Variants in SEC23A observed in about 807,000 individuals in gnomAD.
SEC23A encodes protein transport protein Sec23A.
SEC23A carries 56 observed loss-of-function variants against 103.7 expected under a neutral mutation model. The observed-to-expected ratio is 0.54, with a 90% CI of 0.44 to 0.67. SEC23A has a LOEUF of 0.67. Ranked by LOEUF, SEC23A falls within the 30% of genes least tolerant of loss-of-function variation. SEC23A has a pLI of 0.00. For synonymous variants in SEC23A, 281 were observed against 293.0 expected (o/e 0.96, Z 0.42); for missense variants, 784 against 936.4 (o/e 0.84, Z 2.12).
At chr14:39,088,999 T>G (rs1887561998) in intron 5 of SEC23A, among the ~76,000 whole-genome samples, 1 of 151,298 alleles carries the variant, frequency 6.6e-6, no homozygotes, top group Non-Finnish European at 1.5e-5. Flanking sequence ...AAACCCGGTC[T>G]CTACTAAAAA....
chr14:39,040,986 T>A, intron 17 of SEC23A, 99 bp from the exon 18 acceptor site: 1 of 1,369,826 alleles, frequency 7.3e-7, no homozygotes, highest in Non-Finnish European at 9.7e-7. Flanking sequence ...ACTAAAAAAA[T>A]TATAGACCAT....
chr14:39,083,751 G>C, intron 7 of SEC23A, among the ~76,000 whole-genome samples: 1 of 151,442 alleles, frequency 6.6e-6, no homozygotes, highest in Non-Finnish European at 1.5e-5. Context: ...TTTTAGTAGA[G>C]ACAGGGTTTC....
intron 14 of SEC23A, among the ~76,000 whole-genome samples, chr14:39,051,897 G>A (rs1340779892): frequency 6.6e-6 from 1 of 152,010 alleles, no homozygotes; most frequent in Non-Finnish European, 1.5e-5. Flanking sequence ...GAACCTGGAG[G>A]AGGAGGTTGC....
At chr14:39,048,857 A>G (rs1885940441) in intron 14 of SEC23A, 128 bp from the exon 15 acceptor site, 2 of 634,346 alleles carry the variant, frequency 3.2e-6, no homozygotes, top group African/African-American at 1.8e-5. Flanking sequence ...GAATAAAATT[A>G]TAATATTACT....
Position 39,067,294 on chromosome 14 carries a change from C to A in SEC23A, c.1106G>T (p.Gly369Val). ...GAAAGAATCACCCATTACCATGTATCCTCTGCATGGAAAGAACAAAAAAAC... is the reference window on the plus strand; with the variant it reads ...GAAAGAATCACCCATTACCATGTATACTCTGCATGGAAAGAACAAAAAAAC... ...EMKCCPNLTG[G>V]YMVMGDSFNT... The change falls in exon 10 of 20, where the codon GGA becomes GTA. Residue 369 changes from glycine to valine, a missense_variant and splice_region_variant. By Grantham distance (109) the Gly-to-Val change is moderately radical. Transcript: ENST00000307712. 1 of 1,613,356 alleles carries A rather than the reference C, an allele frequency of 6.2e-7. No homozygotes were observed. The highest frequency in any genetic ancestry group is 1.1e-5 in the South Asian group (1 of 91,048).
chr14:39,045,391 A>G, intron 15 of SEC23A, 67 bp from the exon 16 acceptor site: 2 of 1,187,402 alleles, frequency 1.7e-6, no homozygotes, highest in Non-Finnish European at 1.2e-6. Context: ...TACTATTAGC[A>G]AAAATATTTG....
chr14:39,090,718 GCA>G (rs1887632096), intron 5 of SEC23A, among the ~76,000 whole-genome samples: 1 of 152,136 alleles, frequency 6.6e-6, no homozygotes, highest in African/African-American at 2.4e-5. Flanking sequence ...CAGGTGACTA[GCA>G]CCATGTCAGG....
chr14:39,049,421 A>G (rs1013771276), intron 14 of SEC23A, among the ~76,000 whole-genome samples: 2 of 151,708 alleles, frequency 1.3e-5, no homozygotes, highest in African/African-American at 4.8e-5. Context: ...GGTTGCAGTG[A>G]GCTGAGATCG....
At chr14:39,076,966 C>T (rs920048001) in intron 7 of SEC23A, among the ~76,000 whole-genome samples, 4 of 151,250 alleles carry the variant, frequency 2.6e-5, no homozygotes, top group Non-Finnish European at 4.4e-5. Context: ...GTGGCTGACG[C>T]CTGTAATCCC....
At chr14:39,036,133 A>C (rs545218846) in intron 19 of SEC23A, among the ~76,000 whole-genome samples, 1 of 152,000 alleles carries the variant, frequency 6.6e-6, no homozygotes, top group African/African-American at 2.4e-5. Context: ...ATCCTGGCCA[A>C]CATGGTGAAA....
intron 7 of SEC23A, among the ~76,000 whole-genome samples, chr14:39,080,071 C>G (rs986345171): frequency 6.6e-6 from 1 of 152,034 alleles, no homozygotes; most frequent in Non-Finnish European, 1.5e-5. Context: ...AAACTATATA[C>G]AGATACTTTC....
intron 9 of SEC23A, among the ~76,000 whole-genome samples, chr14:39,071,573 T>C (rs1233843183): frequency 1.3e-5 from 2 of 149,560 alleles, no homozygotes; most frequent in Non-Finnish European, 3.0e-5. Flanking sequence ...AAAAAATTTT[T>C]TAAAATCAAG....
At chr14:39,040,150 TGAGAGTATGTTAA>T (rs1187664544) in intron 18 of SEC23A, 1 of 152,306 alleles carries the variant, frequency 6.6e-6, no homozygotes, top group Non-Finnish European at 1.5e-5. Flanking sequence ...AAGTATTTTA[TGAGAGTATGTTAA>T]GGAACCTAAC....
chr14:39,067,365 A>G (rs1886705900), intron 9 of SEC23A, 69 bp from the exon 10 acceptor site: 4 of 1,561,094 alleles, frequency 2.6e-6, no homozygotes, highest in African/African-American at 2.7e-5. Flanking sequence ...AAATCGTAGA[A>G]GAAAATTACC....
At chr14:39,046,608 AAAC>A (rs1885848593) in intron 15 of SEC23A, among the ~76,000 whole-genome samples, 1 of 152,228 alleles carries the variant, frequency 6.6e-6, no homozygotes, top group Non-Finnish European at 1.5e-5. Flanking sequence ...GTTTAAAAAA[AAAC>A]AACCACATAT....
chr14:39,065,997 C>CAAAAAAAAAAAAAAAAAAAAAAA (rs59260008), intron 10 of SEC23A, among the ~76,000 whole-genome samples: 12 of 80,496 alleles, frequency 1.5e-4, no homozygotes, highest in Admixed American at 2.9e-4. Context: ...AACTCCATCT[C>CAAAAAAAAAAAAAAAAAAAAAAA]AAAAAAAAAA....
chr14:39,060,829 A>G (rs1401919340), intron 13 of SEC23A, among the ~76,000 whole-genome samples: 3 of 152,244 alleles, frequency 2.0e-5, no homozygotes, highest in Admixed American at 1.3e-4. Flanking sequence ...TAGGAATAAG[A>G]AAAGGTATCT....
intron 2 of SEC23A, among the ~76,000 whole-genome samples, chr14:39,093,463 C>T (rs1397120318): frequency 2.0e-5 from 3 of 152,122 alleles, no homozygotes; most frequent in Admixed American, 6.5e-5. Flanking sequence ...TAACTTTTAA[C>T]ATATAGTAAA....
At chr14:39,101,401 T>C (rs1888088607) in intron 1 of SEC23A, among the ~76,000 whole-genome samples, 2 of 151,030 alleles carry the variant, frequency 1.3e-5, no homozygotes, top group South Asian at 4.2e-4. Flanking sequence ...GGGTGGATCA[T>C]GAGGTCAGGA....
Sources: gnomAD v4.1 joint callset for allele counts (sites outside exome capture counted in the v4.1 genomes callset) on GRCh38, gnomAD v4.1.1 for gene constraint, MANE v1.5 for transcripts, NCBI Gene and HGNC (gene_info 2026-07-23, HGNC 2026-07-21) for gene names.